Variants in CCDC57 observed in about 807,000 individuals in gnomAD.
The protein encoded by CCDC57 is coiled-coil domain containing 57.
A neutral mutation model predicts 118.9 loss-of-function variants in CCDC57; 118 were observed. The ratio of observed to expected loss-of-function variants is 0.99; its 90% confidence interval spans 0.86 to 1.16. The LOEUF (loss-of-function observed/expected upper bound fraction) is 1.16, where lower values mean the gene tolerates loss of function less well. CCDC57 is among the 50% of genes most tolerant of loss of function. The pLI is 0.00. For missense variants in CCDC57, 1,300 were observed against 1,320.7 expected, an observed-to-expected ratio of 0.98 and a Z score of 0.24; for synonymous variants, 527 against 532.9, an observed-to-expected ratio of 0.99 and a Z score of 0.15.
At chr17:82,184,056 CA>C in intron 8 of CCDC57, 124 bp from the exon 8 acceptor site, 1 of 576,040 alleles carries the variant, frequency 1.7e-6, no homozygotes, top group Non-Finnish European at 3.1e-6. Context: ...CACACACACA[CA>C]CACACACACA....
At chr17:82,139,425 G>A (rs1049796036) in intron 16 of CCDC57, among the ~76,000 whole-genome samples, 2 of 151,886 alleles carry the variant, frequency 1.3e-5, no homozygotes, top group South Asian at 4.2e-4. Flanking sequence ...GTGGGATCTC[G>A]GCTCACTGCA....
chr17:82,209,674 T>C (rs1340584873), intron 1 of CCDC57, among the ~76,000 whole-genome samples: 2 of 152,100 alleles, frequency 1.3e-5, no homozygotes, highest in Non-Finnish European at 2.9e-5. Context: ...TTTATAGAGA[T>C]GGGTGTCTCA....
chr17:82,114,722 G>A (rs757758299), intron 19 of CCDC57, among the ~76,000 whole-genome samples: 2 of 152,228 alleles, frequency 1.3e-5, no homozygotes, highest in African/African-American at 2.4e-5. Context: ...CCCAGGCGTG[G>A]TCCCACTGGA....
At chr17:82,106,897 A>G (rs2034887554) in intron 19 of CCDC57, among the ~76,000 whole-genome samples, 1 of 152,220 alleles carries the variant, frequency 6.6e-6, no homozygotes, top group Non-Finnish European at 1.5e-5. Context: ...CTGCCAGGCC[A>G]GCTTACAGCT....
At chr17:82,210,240 G>A (rs1159858325) in intron 1 of CCDC57, among the ~76,000 whole-genome samples, 1 of 151,630 alleles carries the variant, frequency 6.6e-6, no homozygotes, top group Non-Finnish European at 1.5e-5. Context: ...GGGAAGAGAT[G>A]GTTCTTTCTT....
rs1350517266 is a variant in CCDC57, at chr17:82,192,033, T to C, written c.851+1723A>G. On this transcript the variant is annotated intron_variant, in intron 7 of 19. Coordinates refer to ENST00000665763, the Ensembl canonical transcript of CCDC57. The surrounding 1 kb of genome is among the most constrained non-coding windows in gnomAD (Gnocchi z 4.0). ...CAGAGTCTCACTCTGTCACCCAGGC[T>C]GGAGTGCAGTGGCGCGGTCTCGGCT... is the stretch of plus-strand genomic sequence containing the variant. Among the ~76,000 whole-genome samples, 7 of 151,242 alleles carry C rather than the reference T, an allele frequency of 4.6e-5. No individual in the cohort carries two copies. The highest frequency in any genetic ancestry group is 1.0e-4 in the Non-Finnish European group (7 of 67,894).
chr17:82,179,196 A>T lies in CCDC57; in HGVS notation c.1212-7T>A. On this transcript the variant is annotated splice_region_variant and splice_polypyrimidine_tract_variant and intron_variant, in intron 9 of 19. Coordinates refer to ENST00000665763, the Ensembl canonical transcript of CCDC57. ...GGACAGCTGTTGCTTGTACCTAAGG[A>T]CACGTCCAACCGCTCAGCATTAATG... The T allele has an allele frequency of 6.2e-7, 1 of 1,611,940 alleles. No individual in the cohort carries two copies. Among genetic ancestry groups the T allele is most frequent in the Non-Finnish European group, 8.5e-7 (1 of 1,178,994 alleles).
At chr17:82,186,836 G>A (rs571213664) in intron 8 of CCDC57, among the ~76,000 whole-genome samples, 124 of 152,268 alleles carry the variant, frequency 8.1e-4, no homozygotes, top group African/African-American at 2.7e-3. Flanking sequence ...CAGCTACTGC[G>A]GAGGCTGAGG....
rs887140853 is a variant in CCDC57 at position 82,151,414 on chromosome 17, C to T, written c.2455+146G>A. ...AACCTGACCCACACCCAGAACCTGG[C>T]GCACCCCCAGAATCTGACCCACATC... On this transcript the variant is annotated intron_variant, in intron 16 of 19. Coordinates refer to ENST00000665763, the Ensembl canonical transcript of CCDC57. The T allele has an allele frequency of 6.6e-4, 223 of 337,898 alleles. 3 individuals are homozygous for T. The highest frequency in any genetic ancestry group is 6.7e-4 in the Non-Finnish European group (174 of 257,898). The allele number at this position is 337,898 out of a possible 1,614,324, so 20.9% of individuals were successfully genotyped here.
chr17:82,209,863 A>C (rs2050045894), intron 1 of CCDC57, among the ~76,000 whole-genome samples: 1 of 152,094 alleles, frequency 6.6e-6, no homozygotes, highest in South Asian at 2.1e-4. Context: ...CACGTTTCCT[A>C]CTCTATCCAT....
At chr17:82,209,243 G>C (rs752599655) in intron 1 of CCDC57, among the ~76,000 whole-genome samples, 4 of 152,116 alleles carry the variant, frequency 2.6e-5, no homozygotes, top group Non-Finnish European at 4.4e-5. Flanking sequence ...TGTTTTCTTT[G>C]AACGTGCATT....
At chr17:82,157,552 G>A in intron 15 of CCDC57, 196 bp downstream of exon 14, 1 of 1,430,346 alleles carries the variant, frequency 7.0e-7, no homozygotes. Context: ...AGAAGAGGAG[G>A]CGTGTGGAGG....
exon 20 of CCDC57, chr17:82,101,587 C>A: frequency 1.8e-6 from 2 of 1,109,990 alleles, no homozygotes; most frequent in South Asian, 1.5e-5. Flanking sequence ...ACCCTGCACG[C>A]TGTGCCCACA....
chr17:82,129,315 A>AGG (rs1223580663), intron 17 of CCDC57, among the ~76,000 whole-genome samples: 1 of 152,176 alleles, frequency 6.6e-6, no homozygotes, highest in African/African-American at 2.4e-5. Flanking sequence ...GGAAGCCAAA[A>AGG]GGGGGCACTA....
intron 2 of CCDC57, among the ~76,000 whole-genome samples, chr17:82,204,211 A>G (rs1306547396): frequency 6.6e-6 from 1 of 152,006 alleles, no homozygotes; most frequent in Non-Finnish European, 1.5e-5. Flanking sequence ...CACCTGGACC[A>G]CCTCAGCCTG....
chr17:82,132,178 G>T (rs1358671127), intron 17 of CCDC57, among the ~76,000 whole-genome samples: 1 of 150,610 alleles, frequency 6.6e-6, no homozygotes, highest in Non-Finnish European at 1.5e-5. Flanking sequence ...TTTTGTAAAG[G>T]AACAGAAATA....
intron 19 of CCDC57, among the ~76,000 whole-genome samples, chr17:82,115,302 GGGGGC>G: frequency 6.8e-6 from 1 of 146,628 alleles, no homozygotes; most frequent in African/African-American, 2.7e-5. Flanking sequence ...GGGGGCAAGA[GGGGGC>G]AAGAGGGGGC....
At chr17:82,179,586 C>G (rs900244045) in intron 9 of CCDC57, among the ~76,000 whole-genome samples, 2 of 152,006 alleles carry the variant, frequency 1.3e-5, no homozygotes, top group African/African-American at 4.8e-5. Context: ...GCTGGGAGAG[C>G]CCCCAGAGCA....
At chr17:82,135,453 A>T (rs558579934) in intron 16 of CCDC57, 1 of 152,286 alleles carries the variant, frequency 6.6e-6, no homozygotes, top group Admixed American at 6.5e-5. Flanking sequence ...GTTAGCCATG[A>T]TGAACATATT....
Sources: gnomAD v4.1 joint callset for allele counts (sites outside exome capture counted in the v4.1 genomes callset) on GRCh38, gnomAD v4.1.1 for gene constraint, Gnocchi (gnomAD v3.1) non-coding constraint, MANE v1.5 for transcripts, NCBI Gene and HGNC (gene_info 2026-07-23, HGNC 2026-07-21) for gene names.